The following DTNA variants were observed in gnomAD, a reference collection of about 807,000 sequenced individuals.
DTNA encodes dystrobrevin alpha.
A neutral mutation model predicts 100.7 loss-of-function variants in DTNA; 43 were observed. That is an observed-to-expected ratio of 0.43 (90% confidence interval 0.33 to 0.55). DTNA has a LOEUF of 0.55. DTNA is among the 20% of genes least tolerant of loss of function. The pLI is 0.04. For missense variants in DTNA, 798 were observed against 953.9 expected, an observed-to-expected ratio of 0.84 and a Z score of 2.15; for synonymous variants, 349 against 347.9, an observed-to-expected ratio of 1.00 and a Z score of -0.04.
chr18:34,579,604 G>A (rs1426330303), intron 1 of DTNA, among the ~76,000 whole-genome samples: 3 of 152,104 alleles, frequency 2.0e-5, no homozygotes, highest in South Asian at 2.1e-4. Flanking sequence ...ATATTGCATC[G>A]TCTTAAGGCA....
chr18:34,889,218 G>C lies in DTNA; in HGVS notation c.*1484G>C, dbSNP rs894907915. On this transcript the variant is annotated 3_prime_UTR_variant, in exon 23 of 23. Coordinates refer to ENST00000444659, the MANE Select transcript of DTNA (RefSeq NM_001386795.1). ...TTCCTGTCTCTCCTTTAAAAGAAAGGAGAGAACATTTTAGAACAATAGTTC... is the reference window on the plus strand; with the variant it reads ...TTCCTGTCTCTCCTTTAAAAGAAAGCAGAGAACATTTTAGAACAATAGTTC... The C allele has an allele frequency of 8.1e-6, 8 of 985,230 alleles. No individual in the cohort carries two copies. The Admixed American group carries it at 1.8e-4, about 23-fold the overall frequency. The allele number at this position is 985,230 out of a possible 1,614,324, so 61.0% of individuals were successfully genotyped here.
At chr18:34,694,660 T>C (rs544855925) in intron 1 of DTNA, among the ~76,000 whole-genome samples, 1 of 152,308 alleles carries the variant, frequency 6.6e-6, no homozygotes, top group African/African-American at 2.4e-5. Context: ...CCAATCCTAG[T>C]TGGATAAGTA....
chr18:34,817,814 T>G (rs941804336), intron 7 of DTNA: 22 of 508,870 alleles, frequency 4.3e-5, no homozygotes, highest in East Asian at 4.1e-4. Flanking sequence ...TGAGCTGTGC[T>G]GGTCTCCTGG....
At chr18:34,776,038 T>C (rs2094029009) in intron 3 of DTNA, among the ~76,000 whole-genome samples, 1 of 152,228 alleles carries the variant, frequency 6.6e-6, no homozygotes, top group South Asian at 2.1e-4. Context: ...CTGGGACATA[T>C]ACTTTGTATA....
chr18:34,757,796 TCA>T (rs1352826298), intron 2 of DTNA, among the ~76,000 whole-genome samples: 1 of 152,238 alleles, frequency 6.6e-6, no homozygotes, highest in Non-Finnish European at 1.5e-5. Context: ...CATAGAAACA[TCA>T]CAGTGATGTC....
At chr18:34,639,515 TA>T (rs1415510929) in intron 1 of DTNA, among the ~76,000 whole-genome samples, 1 of 152,174 alleles carries the variant, frequency 6.6e-6, no homozygotes, top group South Asian at 2.1e-4. Context: ...GGGGCCTATT[TA>T]AGTATGATAG....
At chr18:34,882,278 C>A in intron 21 of DTNA, 77 bp downstream of exon 21, 1 of 1,572,136 alleles carries the variant, frequency 6.4e-7, no homozygotes, top group South Asian at 1.2e-5. Context: ...ACATGACTTG[C>A]AGAATCAGAG....
chr18:34,741,568 T>G (rs1182584759), intron 1 of DTNA, among the ~76,000 whole-genome samples: 1 of 152,160 alleles, frequency 6.6e-6, no homozygotes, highest in East Asian at 1.9e-4. Flanking sequence ...TGTCCAAGGA[T>G]TTCATCACCA....
chr18:34,645,821 A>G (rs1346880816), intron 1 of DTNA, among the ~76,000 whole-genome samples: 1 of 152,066 alleles, frequency 6.6e-6, no homozygotes, highest in Non-Finnish European at 1.5e-5. Flanking sequence ...CATATTTTCC[A>G]CTCTTTAACT....
At chr18:34,553,921 A>C (rs1250251587) in intron 1 of DTNA, among the ~76,000 whole-genome samples, 1 of 150,962 alleles carries the variant, frequency 6.6e-6, no homozygotes. Context: ...GAAGAAAGTC[A>C]TTGGTAGCTT....
chr18:34,627,896 G>A (rs2057545393), intron 1 of DTNA, among the ~76,000 whole-genome samples: 1 of 152,076 alleles, frequency 6.6e-6, no homozygotes, highest in Non-Finnish European at 1.5e-5. Flanking sequence ...GTTACTTGTA[G>A]GAATTCCATG....
intron 1 of DTNA, among the ~76,000 whole-genome samples, chr18:34,632,755 G>A (rs747748162): frequency 6.6e-6 from 1 of 151,946 alleles, no homozygotes; most frequent in Non-Finnish European, 1.5e-5. Flanking sequence ...ATTTTCTCTT[G>A]TTTTTCAACT....
chr18:34,556,713 G>A (rs1319091525), intron 1 of DTNA, among the ~76,000 whole-genome samples: 1 of 125,230 alleles, frequency 8.0e-6, no homozygotes, highest in African/African-American at 3.0e-5. Context: ...CTCTCTTCTG[G>A]CTTGTAGGGT....
chr18:34,833,404 C>CTGTA (rs138504259), intron 11 of DTNA, among the ~76,000 whole-genome samples: 95 of 145,000 alleles, frequency 6.6e-4, no homozygotes, highest in African/African-American at 2.2e-3. Context: ...CATTGTGTCA[C>CTGTA]TGTGTGTGTG....
intron 1 of DTNA, among the ~76,000 whole-genome samples, chr18:34,734,853 A>G (rs1039051651): frequency 6.6e-6 from 1 of 152,206 alleles, no homozygotes; most frequent in Non-Finnish European, 1.5e-5. Context: ...ACCAAGGACT[A>G]TCAGTGTTCT....
chr18:34,866,985 A>G, intron 17 of DTNA: 2 of 1,204,522 alleles, frequency 1.7e-6, no homozygotes, highest in South Asian at 8.6e-5. Context: ...AAACTCAAAA[A>G]AAAAAACAAA....
intron 1 of DTNA, among the ~76,000 whole-genome samples, chr18:34,578,122 A>G (rs1003777430): frequency 6.6e-6 from 1 of 151,000 alleles, no homozygotes; most frequent in Admixed American, 6.6e-5. Context: ...CATCCACACC[A>G]TAATCTACTA....
At chr18:34,747,976 A>G (rs907368145) in intron 1 of DTNA, among the ~76,000 whole-genome samples, 1 of 152,024 alleles carries the variant, frequency 6.6e-6, no homozygotes, top group Non-Finnish European at 1.5e-5. Context: ...AATGTCTATT[A>G]TTTTTTGACA....
chr18:34,507,431 T>C (rs1440194446), intron 1 of DTNA, among the ~76,000 whole-genome samples: 1 of 152,194 alleles, frequency 6.6e-6, no homozygotes, highest in East Asian at 1.9e-4. Context: ...TAATTTCTTT[T>C]GATGTAAAAA....
Sources: allele counts gnomAD v4.1 joint callset (sites outside exome capture counted in the v4.1 genomes callset), GRCh38; gene constraint gnomAD v4.1.1; transcripts MANE v1.5; gene names NCBI Gene and HGNC (gene_info 2026-07-23, HGNC 2026-07-21).